Variants in TBCD observed in about 807,000 individuals in gnomAD.
TBCD encodes tubulin-specific chaperone D.
A neutral mutation model predicts 169.3 loss-of-function variants in TBCD; 105 were observed. The observed-to-expected ratio is 0.62, with a 90% CI of 0.53 to 0.73. The LOEUF is 0.73. Ranked by LOEUF, TBCD falls within the 30% of genes least tolerant of loss-of-function variation. The pLI, the probability that TBCD is intolerant of heterozygous loss-of-function variation, is 0.00. For synonymous variants in TBCD, 700 were observed against 643.9 expected, an observed-to-expected ratio of 1.09 and a Z score of -1.32; for missense variants, 1,444 against 1,600.1, an observed-to-expected ratio of 0.90 and a Z score of 1.66.
intron 13 of TBCD, among the ~76,000 whole-genome samples, chr17:82,848,600 C>T (rs556704173): frequency 6.6e-6 from 1 of 152,312 alleles, no homozygotes; most frequent in Admixed American, 6.5e-5. Flanking sequence ...ACATGCACAG[C>T]AGCCAGGTAC....
chr17:82,900,478 C>CCCA lies in TBCD; in HGVS notation c.1650-173_1650-172insCCA, dbSNP rs1190813394. ...CACGTTTGTGTAAAGCCCGTGTGTG[C>CCCA]ACAGATGCTCTTTTCTTTTGGGTAA... On this transcript the variant is annotated intron_variant, in intron 17 of 38. Transcript: ENST00000355528. 3 of 606,894 alleles carry CCCA rather than the reference C, an allele frequency of 4.9e-6. No homozygotes were observed. In the African/African-American group the frequency reaches 5.6e-5, roughly 11 times the overall value. The allele number at this position is 606,894 out of a possible 1,614,324, so 37.6% of individuals were successfully genotyped here.
intron 19 of TBCD, 98 bp from the exon 20 acceptor site, chr17:82,905,838 C>T (rs949093522): frequency 5.5e-6 from 5 of 905,558 alleles, no homozygotes; most frequent in African/African-American, 3.4e-5. Flanking sequence ...TGCACGCCGT[C>T]GCCTGCCCTC....
In TBCD at chr17:82,930,573, G is replaced by A. The variant is rs375899767; in HGVS notation, c.3043G>A (p.Asp1015Asn). The change falls in exon 33 of 39, where the codon GAC becomes AAC. Residue 1015 changes from aspartate (D) to asparagine (N), a missense_variant. Physicochemically the swap from Asp to Asn is conservative, Grantham distance 23 (BLOSUM62 1). Transcript: ENST00000355528. This position sits in a 1 kb window ranked among gnomAD's most constrained non-coding sequence, Gnocchi z 5.2. Reference protein sequence around the residue: ...LFEYMKGIQSDPQALGSFSGT... With the variant: ...LFEYMKGIQSNPQALGSFSGT... ...TGAGTACATGAAGGGCATTCAGAGC[G>A]ACCCGCAGGCCCTGGGCAGCTTCAG... 1.7e-5 allele frequency: 27 copies of A among 1,613,802 alleles called. No homozygotes were observed. Among genetic ancestry groups the A allele is most frequent in the Middle Eastern group, 1.6e-4 (1 of 6,082 alleles).
At chr17:82,801,048 T>G in intron 9 of TBCD, 52 bp downstream of exon 9, 1 of 1,310,480 alleles carries the variant, frequency 7.6e-7, no homozygotes, top group Non-Finnish European at 1.0e-6. Context: ...GGGGAGGGGT[T>G]GCTGTGGGGG....
At chr17:82,914,656 C>G (rs981432390) in intron 23 of TBCD, among the ~76,000 whole-genome samples, 1 of 152,202 alleles carries the variant, frequency 6.6e-6, no homozygotes, top group Admixed American at 6.5e-5. Context: ...GCCTGCACTC[C>G]CCAGCCGTGA....
chr17:82,878,304 C>G (rs1453864040), intron 14 of TBCD, among the ~76,000 whole-genome samples: 1 of 152,168 alleles, frequency 6.6e-6, no homozygotes. Flanking sequence ...TAAAATTCAC[C>G]CCTTTAGGGT....
intron 6 of TBCD, among the ~76,000 whole-genome samples, chr17:82,774,626 C>T (rs990829805): frequency 1.3e-5 from 2 of 152,092 alleles, no homozygotes; most frequent in Admixed American, 6.5e-5. Flanking sequence ...ACTTGGCGGC[C>T]GGGCAGAGGC....
intron 13 of TBCD, among the ~76,000 whole-genome samples, chr17:82,842,638 G>A (rs1377009959): frequency 6.6e-6 from 1 of 152,158 alleles, no homozygotes; most frequent in Non-Finnish European, 1.5e-5. Context: ...AAGTGCAAGA[G>A]AGATTTTTTT....
intron 30 of TBCD, among the ~76,000 whole-genome samples, chr17:82,928,549 A>T (rs1478616842): frequency 6.9e-6 from 1 of 144,374 alleles, no homozygotes; most frequent in South Asian, 2.2e-4. Flanking sequence ...AGGGGCACTC[A>T]GTCAGGGGGT....
At chr17:82,778,140 T>C (rs2048716398) in intron 6 of TBCD, among the ~76,000 whole-genome samples, 1 of 152,246 alleles carries the variant, frequency 6.6e-6, no homozygotes, top group Non-Finnish European at 1.5e-5. Context: ...GAATAATTGC[T>C]ACCAACTAAT....
intron 38 of TBCD, chr17:82,942,102 C>T: frequency 2.3e-6 from 1 of 427,556 alleles, no homozygotes; most frequent in Non-Finnish European, 4.2e-6. Context: ...CACAGCCTCC[C>T]CCATTTCTGT....
chr17:82,934,144 C>T lies in TBCD; in HGVS notation c.3191+1409C>T, dbSNP rs1309402350. Reference sequence around the variant, plus strand: ...AGTCCTCAGCGGCCCCCAGGAAGCCCCCTCTGGTGCTCAGAACCTGAGCGA... The same window carrying T: ...AGTCCTCAGCGGCCCCCAGGAAGCCTCCTCTGGTGCTCAGAACCTGAGCGA... On this transcript the variant is annotated intron_variant, in intron 34 of 38. Transcript: ENST00000355528. 2.0e-5 allele frequency among the ~76,000 whole-genome samples: 3 copies of T among 152,328 alleles called. No individual in the cohort carries two copies. In the South Asian group the frequency reaches 6.2e-4, roughly 32 times the overall value.
intron 34 of TBCD, among the ~76,000 whole-genome samples, chr17:82,934,215 C>T (rs1329308715): frequency 6.6e-6 from 1 of 152,246 alleles, no homozygotes; most frequent in Non-Finnish European, 1.5e-5. Flanking sequence ...GGGCTTCCCG[C>T]TGGAGTCTGC....
intron 18 of TBCD, among the ~76,000 whole-genome samples, chr17:82,902,649 T>G (rs1253255728): frequency 1.3e-5 from 2 of 152,380 alleles, no homozygotes; most frequent in African/African-American, 4.8e-5. Context: ...TCTGCCATTG[T>G]GCCTGGTTTC....
intron 13 of TBCD, among the ~76,000 whole-genome samples, chr17:82,843,313 T>C (rs1200875129): frequency 3.7e-5 from 5 of 133,594 alleles, no homozygotes; most frequent in African/African-American, 1.1e-4. Flanking sequence ...TACCCTTCCC[T>C]TCCCCTCCCC....
intron 17 of TBCD, chr17:82,900,439 C>A: frequency 2.0e-6 from 1 of 507,284 alleles, no homozygotes. Flanking sequence ...CGCCGTTACA[C>A]ATGAAGCTGT....
At chr17:82,845,334 C>G (rs926873498) in intron 13 of TBCD, among the ~76,000 whole-genome samples, 1 of 150,944 alleles carries the variant, frequency 6.6e-6, no homozygotes, top group Non-Finnish European at 1.5e-5. Flanking sequence ...CCTCTCTGTC[C>G]TGTCTGGCCT....
rs1200928292 is a variant in TBCD at position 82,923,489 on chromosome 17, G to A, written c.2179-163G>A. On this transcript the variant is annotated intron_variant, in intron 25 of 38. Transcript: ENST00000355528. This position sits in a 1 kb window ranked among gnomAD's most constrained non-coding sequence, Gnocchi z 4.6. ...CCGGGTGCTTCTCCAACCTCAGGGCGACCCGCTGGGTCCCTGGTCAGGCAG... is the reference window on the plus strand; with the variant it reads ...CCGGGTGCTTCTCCAACCTCAGGGCAACCCGCTGGGTCCCTGGTCAGGCAG... Among the ~76,000 whole-genome samples, 2 of 152,014 alleles carry A rather than the reference G, an allele frequency of 1.3e-5. No individual in the cohort carries two copies. Among genetic ancestry groups the A allele is most frequent in the African/African-American group, 4.8e-5 (2 of 41,398 alleles).
chr17:82,899,349 GCGTGTCCGCAGTGCGTCCTCAGCGCA>G (rs946022767), intron 17 of TBCD, among the ~76,000 whole-genome samples: 1 of 151,442 alleles, frequency 6.6e-6, no homozygotes, highest in African/African-American at 2.4e-5. Flanking sequence ...TGTCCTCAGT[GCGTGTCCGCAGTGCGTCCTCAGCGCA>G]CGTGTCCTCA....
Sources: allele counts gnomAD v4.1 joint callset (sites outside exome capture counted in the v4.1 genomes callset), GRCh38; gene constraint gnomAD v4.1.1; non-coding constraint Gnocchi (gnomAD v3.1); transcripts MANE v1.5; gene names NCBI Gene and HGNC (gene_info 2026-07-23, HGNC 2026-07-21).